NEK10: variants seen among roughly 807,000 people sequenced by gnomAD.
NEK10 encodes the protein serine/threonine-protein kinase Nek10.
In NEK10, 122 loss-of-function variants were observed where a neutral mutation model predicts 159.8. The ratio of observed to expected loss-of-function variants is 0.76; its 90% CI spans 0.66 to 0.89. The LOEUF is 0.89. Ranked by LOEUF, NEK10 falls within the 40% of genes least tolerant of loss-of-function variation. NEK10 has a pLI of 0.00. For missense variants in NEK10, 1,342 were observed against 1,323.1 expected (o/e 1.01, Z -0.22); for synonymous variants, 466 against 457.1 (o/e 1.02, Z -0.25).
chr3:27,114,778 T>C (rs1211729405), intron 35 of NEK10, among the ~76,000 whole-genome samples: 3 of 152,178 alleles, frequency 2.0e-5, no homozygotes, highest in African/African-American at 4.8e-5. Context: ...TTTGAGAGAA[T>C]ATACTCCAAA....
chr3:27,340,783 C>T (rs1191187757), intron 5 of NEK10, among the ~76,000 whole-genome samples: 38 of 152,098 alleles, frequency 2.5e-4, no homozygotes. Context: ...CTGTGGAGAA[C>T]CTTATGACGA....
intron 26 of NEK10, among the ~76,000 whole-genome samples, chr3:27,180,688 C>A (rs888683568): frequency 6.6e-6 from 1 of 152,134 alleles, no homozygotes; most frequent in African/African-American, 2.4e-5. Context: ...TGTTAAACTG[C>A]ACATTTTGCA....
intron 23 of NEK10, among the ~76,000 whole-genome samples, chr3:27,239,129 A>T (rs1184993728): frequency 3.3e-5 from 5 of 152,116 alleles, no homozygotes; most frequent in Non-Finnish European, 2.9e-5. Context: ...AAAGGGGCCA[A>T]TCTCCCATTT....
At chr3:27,237,204 T>C (rs2370943) in intron 23 of NEK10, among the ~76,000 whole-genome samples, 6,639 of 152,208 alleles carry the variant, frequency 0.044, 212 homozygotes, top group African/African-American at 0.081. Context: ...TTCCCTAAAA[T>C]TGCTGTTATT....
intron 1 of NEK10, among the ~76,000 whole-genome samples, chr3:27,356,019 G>A (rs967103802): frequency 3.3e-5 from 5 of 152,248 alleles, no homozygotes; most frequent in Admixed American, 3.3e-4. Flanking sequence ...CTCATGAGTG[G>A]GTTTAGTGCA....
chr3:27,262,503 C>T (rs1338816378), intron 22 of NEK10, among the ~76,000 whole-genome samples: 1 of 152,262 alleles, frequency 6.6e-6, no homozygotes, highest in Non-Finnish European at 1.5e-5. Context: ...TCATATAGTC[C>T]CATATTTCTT....
chr3:27,312,236 A>C, intron 7 of NEK10, 59 bp from the exon 8 acceptor site: 1 of 966,722 alleles, frequency 1.0e-6, no homozygotes, highest in Non-Finnish European at 1.6e-6. Context: ...CAAGGAAGCA[A>C]GGAACAAGAT....
intron 25 of NEK10, among the ~76,000 whole-genome samples, chr3:27,200,375 G>T (rs1397012560): frequency 2.0e-5 from 3 of 152,080 alleles, no homozygotes; most frequent in African/African-American, 4.8e-5. Flanking sequence ...TCTATCTGGG[G>T]TGACTCTAGA....
In NEK10 at chr3:27,352,451, T is replaced by C. The variant is rs1379603856; in HGVS notation, c.132+14A>G. The C allele has an allele frequency of 6.3e-7, 1 of 1,593,728 alleles. No homozygotes were observed. The highest frequency in any genetic ancestry group is 8.6e-7 in the Non-Finnish European group (1 of 1,161,852). ...TTCTTTTATTACCAAGTGAACATTCTTTGAAAACGCTACCTGTTGTTTGCT... is the reference window on the plus strand; with the variant it reads ...TTCTTTTATTACCAAGTGAACATTCCTTGAAAACGCTACCTGTTGTTTGCT... On this transcript the variant is annotated intron_variant, in intron 3 of 35. Transcript: ENST00000691995.
intron 1 of NEK10, among the ~76,000 whole-genome samples, chr3:27,365,819 G>T (rs11129284): frequency 0.32 from 48,777 of 151,484 alleles, 9,841 homozygotes; most frequent in East Asian, 0.74. Context: ...CACCATGTTG[G>T]CCAGGCCGGT....
chr3:27,218,633 A>G (rs923767127), intron 23 of NEK10, among the ~76,000 whole-genome samples: 1 of 150,558 alleles, frequency 6.6e-6, no homozygotes, highest in Non-Finnish European at 1.5e-5. Context: ...AGACGGGACT[A>G]CTGTGTATAC....
intron 30 of NEK10, chr3:27,162,139 T>C (rs1399445061): frequency 1.5e-5 from 4 of 275,550 alleles, no homozygotes; most frequent in Non-Finnish European, 6.9e-6. Context: ...TTTACAGAAA[T>C]ACCTATGTAA....
chr3:27,352,410 T>G, intron 3 of NEK10, 55 bp downstream of exon 3: 1 of 1,150,666 alleles, frequency 8.7e-7, no homozygotes, highest in South Asian at 1.2e-5. Context: ...TGGAGCCCTT[T>G]GGAAACATAT....
At chr3:27,334,713 A>G (rs567328966) in intron 5 of NEK10, among the ~76,000 whole-genome samples, 1 of 152,262 alleles carries the variant, frequency 6.6e-6, no homozygotes, top group South Asian at 2.1e-4. Context: ...TACCCAACCA[A>G]CATTATAGAT....
chr3:27,304,455 C>T (rs1349190496), intron 12 of NEK10, among the ~76,000 whole-genome samples: 1 of 152,114 alleles, frequency 6.6e-6, no homozygotes, highest in Non-Finnish European at 1.5e-5. Flanking sequence ...TTCCATTCAG[C>T]CTTCATTATA....
At chr3:27,341,915 G>A (rs1473007537) in intron 5 of NEK10, among the ~76,000 whole-genome samples, 1 of 152,128 alleles carries the variant, frequency 6.6e-6, no homozygotes, top group Non-Finnish European at 1.5e-5. Flanking sequence ...ATAACACGCT[G>A]AATGTCTTAT....
chr3:27,363,909 G>A (rs1225249496), intron 1 of NEK10: 1 of 152,072 alleles, frequency 6.6e-6, no homozygotes, highest in East Asian at 1.9e-4. Context: ...CCCACTGAGT[G>A]ACCTCAGAAA....
intron 6 of NEK10, among the ~76,000 whole-genome samples, chr3:27,319,382 A>G (rs944631751): frequency 1.1e-4 from 16 of 152,182 alleles, no homozygotes; most frequent in African/African-American, 3.9e-4. Flanking sequence ...CTAAACATAT[A>G]ATGGAAACTG....
At chr3:27,272,312 T>A (rs961229693) in intron 22 of NEK10, among the ~76,000 whole-genome samples, 1 of 152,154 alleles carries the variant, frequency 6.6e-6, no homozygotes, top group African/African-American at 2.4e-5. Context: ...GATATCCCAG[T>A]CAACCAGATG....
Sources: allele counts gnomAD v4.1 joint callset (sites outside exome capture counted in the v4.1 genomes callset), GRCh38; gene constraint gnomAD v4.1.1; transcripts MANE v1.5; gene names NCBI Gene and HGNC (gene_info 2026-07-23, HGNC 2026-07-21).